CCDC192: variants seen among roughly 807,000 people sequenced by gnomAD.
CCDC192 encodes coiled-coil domain-containing protein 192.
intron 2 of CCDC192, among the ~76,000 whole-genome samples, chr5:127,748,962 T>C (rs1753954373): frequency 6.6e-6 from 1 of 152,148 alleles, no homozygotes; most frequent in Non-Finnish European, 1.5e-5. Context: ...TGATTTTGTA[T>C]CCTGAGACTT....
chr5:127,724,310 T>G (rs550147727), intron 2 of CCDC192, among the ~76,000 whole-genome samples: 1 of 152,228 alleles, frequency 6.6e-6, no homozygotes, highest in South Asian at 2.1e-4. Context: ...TATTTCTACC[T>G]GCGATCTTCC....
Position 127,941,199 on chromosome 5 carries a change from G to T in CCDC192, c.553G>T (p.Gly185Trp), listed in dbSNP as rs976378568. 2.5e-6 allele frequency: 1 copy of T among 398,952 alleles called. No individual in the cohort carries two copies. The highest frequency in any genetic ancestry group is 2.1e-5 in the African/African-American group (1 of 48,652). The allele number at this position is 398,952 out of a possible 1,614,324, so 24.7% of individuals were successfully genotyped here. A position where few individuals can be genotyped will look rare whatever the true frequency, so the allele number is the denominator to read the frequency against. Residue 185 changes from glycine (G) to tryptophan (W), a missense_variant, in exon 7 of 7, where the codon GGG (glycine) becomes TGG (tryptophan). Physicochemically the swap from Gly to Trp is radical, Grantham distance 184. Transcript: ENST00000514853. ...TGCTTTAGAAGACAGCTTGCTGGAA[G>T]GGTTCTGTGGAGGTCTCCCACCTGT... ...PAPREDSLLE[G>W]FCGGLPPVEE...
chr5:127,833,259 G>A (rs965257844), intron 5 of CCDC192, among the ~76,000 whole-genome samples: 2 of 151,918 alleles, frequency 1.3e-5, no homozygotes, highest in African/African-American at 4.8e-5. Flanking sequence ...CATTTTTATT[G>A]TTTGAATTAT....
chr5:127,829,526 G>A (rs1171068337), intron 5 of CCDC192, among the ~76,000 whole-genome samples: 3 of 152,088 alleles, frequency 2.0e-5, no homozygotes, highest in Non-Finnish European at 4.4e-5. Context: ...AAGAATAGCA[G>A]GGAATAAAAG....
At chr5:127,897,430 C>G (rs1033472500) in intron 6 of CCDC192, among the ~76,000 whole-genome samples, 3 of 152,134 alleles carry the variant, frequency 2.0e-5, no homozygotes, top group African/African-American at 7.2e-5. Context: ...AAGTATTTAG[C>G]TGGATTCACA....
At chr5:127,786,715 C>T (rs986881317) in intron 3 of CCDC192, 8 of 730,346 alleles carry the variant, frequency 1.1e-5, no homozygotes, top group African/African-American at 1.0e-4. Flanking sequence ...ACACTCTTGT[C>T]CATCAAATCT....
intron 6 of CCDC192, among the ~76,000 whole-genome samples, chr5:127,897,853 A>G (rs1752936042): frequency 6.6e-6 from 1 of 152,214 alleles, no homozygotes; most frequent in Non-Finnish European, 1.5e-5. Context: ...TTATAATATT[A>G]GACTATAAGT....
chr5:127,892,437 G>A (rs769919277), intron 6 of CCDC192, among the ~76,000 whole-genome samples: 20 of 152,186 alleles, frequency 1.3e-4, no homozygotes, highest in Non-Finnish European at 2.5e-4. Flanking sequence ...AGAGAAATTG[G>A]TTTAGTATCT....
chr5:127,922,438 A>G (rs2127191738), intron 6 of CCDC192, among the ~76,000 whole-genome samples: 1 of 152,264 alleles, frequency 6.6e-6, no homozygotes, highest in South Asian at 2.1e-4. Context: ...GTACATTGCA[A>G]TGTTGAAAGT....
chr5:127,790,781 TA>T (rs1165939659), intron 3 of CCDC192, among the ~76,000 whole-genome samples: 1 of 152,218 alleles, frequency 6.6e-6, no homozygotes, highest in East Asian at 1.9e-4. Context: ...AGATTCAAGT[TA>T]ACAACTGCAA....
intron 2 of CCDC192, among the ~76,000 whole-genome samples, chr5:127,723,837 T>A (rs900974115): frequency 6.6e-6 from 1 of 152,228 alleles, no homozygotes; most frequent in Non-Finnish European, 1.5e-5. Flanking sequence ...ATAGTTTTGT[T>A]AAACTGAAAT....
chr5:127,932,066 A>C (rs1754044780), intron 6 of CCDC192, among the ~76,000 whole-genome samples: 2 of 150,910 alleles, frequency 1.3e-5, no homozygotes, highest in South Asian at 4.2e-4. Context: ...AGGCAGGGGA[A>C]TCGCTTGAAC....
At chr5:127,838,894 C>G (rs944627077) in intron 5 of CCDC192, among the ~76,000 whole-genome samples, 3 of 152,318 alleles carry the variant, frequency 2.0e-5, no homozygotes, top group Admixed American at 6.5e-5. Context: ...GCTGGGGTGA[C>G]TCAGCCTCAA....
chr5:127,889,960 C>T (rs151848), intron 6 of CCDC192, among the ~76,000 whole-genome samples: 43,205 of 151,912 alleles, frequency 0.28, 6,481 homozygotes, highest in African/African-American at 0.37. Flanking sequence ...AATATGTCCC[C>T]TGATGGATGT....
intron 2 of CCDC192, among the ~76,000 whole-genome samples, chr5:127,719,524 T>TATATATATATACACACAC (rs1561444898): frequency 2.3e-5 from 2 of 88,242 alleles, no homozygotes; most frequent in Admixed American, 1.1e-4. Context: ...TATATATATA[T>TATATATATATACACACAC]ACACACATAC....
intron 2 of CCDC192, among the ~76,000 whole-genome samples, chr5:127,748,884 T>C (rs948712445): frequency 2.0e-5 from 3 of 150,700 alleles, no homozygotes; most frequent in African/African-American, 2.4e-5. Flanking sequence ...TGAATGGGAG[T>C]TCACTCATGA....
At chr5:127,829,691 A>AT (rs1010931798) in intron 5 of CCDC192, among the ~76,000 whole-genome samples, 2 of 152,154 alleles carry the variant, frequency 1.3e-5, no homozygotes, top group African/African-American at 4.8e-5. Flanking sequence ...TTATTGGTCT[A>AT]TTTTTTTAAA....
chr5:127,822,402 A>G (rs966808897), intron 5 of CCDC192, among the ~76,000 whole-genome samples: 3 of 152,250 alleles, frequency 2.0e-5, no homozygotes, highest in South Asian at 2.1e-4. Flanking sequence ...ATGGCAGGAC[A>G]TAGCAGTAAG....
intron 2 of CCDC192, among the ~76,000 whole-genome samples, chr5:127,727,795 A>G (rs957186210): frequency 2.0e-5 from 3 of 152,250 alleles, no homozygotes; most frequent in East Asian, 1.9e-4. Context: ...AAGAACCACA[A>G]TAAAACACTA....
Sources: allele counts gnomAD v4.1 joint callset (sites outside exome capture counted in the v4.1 genomes callset), GRCh38; gene constraint gnomAD v4.1.1; transcripts MANE v1.5; gene names NCBI Gene and HGNC (gene_info 2026-07-23, HGNC 2026-07-21).